The following CCDC169 variants were observed in gnomAD, a reference collection of about 807,000 sequenced individuals.
CCDC169 encodes coiled-coil domain containing 169.
CCDC169 carries 30 observed loss-of-function variants against 36.0 expected under a neutral mutation model. The observed-to-expected ratio is 0.83, with a 90% CI of 0.62 to 1.13. The LOEUF is 1.13. CCDC169 is among the 50% of genes most tolerant of loss of function. The probability of loss-of-function intolerance (pLI) is 0.00; values close to 1 mark genes in which losing one functional copy is unlikely to be tolerated. For synonymous variants in CCDC169, 85 were observed against 81.5 expected, an observed-to-expected ratio of 1.04 and a Z score of -0.23; for missense variants, 245 against 245.9, an observed-to-expected ratio of 1.00 and a Z score of 0.03.
At chr13:36,222,585 G>A (rs1000963212), downstream of CCDC169, 4 of 152,140 alleles carry the variant, frequency 2.6e-5, no homozygotes, top group African/African-American at 7.2e-5. Context: ...CTTAGAAATG[G>A]TGTTAAACTC....
At chr13:36,226,245 A>C (rs1869870595), downstream of CCDC169, 1 of 152,236 alleles carries the variant, frequency 6.6e-6, no homozygotes, top group Non-Finnish European at 1.5e-5. Context: ...AGCAGTTCCC[A>C]ACCCTTTTGA....
chr13:36,282,574 C>T, intron 4 of CCDC169: 1 of 983,944 alleles, frequency 1.0e-6, no homozygotes, highest in African/African-American at 1.7e-5. Flanking sequence ...AACTTTCATT[C>T]TCTTTCCTTT....
intron 4 of CCDC169, among the ~76,000 whole-genome samples, chr13:36,259,315 G>A (rs970309502): frequency 2.0e-5 from 3 of 152,118 alleles, no homozygotes; most frequent in African/African-American, 7.2e-5. Context: ...CCCAGGAAGC[G>A]CTTCTTGGTT....
At chr13:36,293,800 GA>G (rs1379805676) in intron 2 of CCDC169, among the ~76,000 whole-genome samples, 1 of 152,128 alleles carries the variant, frequency 6.6e-6, no homozygotes, top group Non-Finnish European at 1.5e-5. Flanking sequence ...CCCCAATCAA[GA>G]ACCATCCAGG....
chr13:36,285,798 A>G (rs1438871802), intron 2 of CCDC169, among the ~76,000 whole-genome samples: 2 of 152,138 alleles, frequency 1.3e-5, no homozygotes, highest in African/African-American at 4.8e-5. Flanking sequence ...AAAAGACCCA[A>G]GATAGACACC....
chr13:36,291,623 TA>T (rs1878910144), intron 2 of CCDC169, among the ~76,000 whole-genome samples: 1 of 152,174 alleles, frequency 6.6e-6, no homozygotes, highest in Non-Finnish European at 1.5e-5. Context: ...CTAATAGCTA[TA>T]ACTCATTTCT....
At chr13:36,262,756 G>A (rs1156562284) in intron 4 of CCDC169, among the ~76,000 whole-genome samples, 1 of 152,184 alleles carries the variant, frequency 6.6e-6, no homozygotes, top group Non-Finnish European at 1.5e-5. Context: ...TAGGTCCAGA[G>A]CTAGTGGCCT....
At chr13:36,234,444 A>G (rs930359269) in intron 7 of CCDC169, among the ~76,000 whole-genome samples, 1 of 152,182 alleles carries the variant, frequency 6.6e-6, no homozygotes, top group Non-Finnish European at 1.5e-5. Context: ...ATAATAGCTA[A>G]AAATTTCCCA....
chr13:36,289,318 G>T (rs1368115350), intron 2 of CCDC169, among the ~76,000 whole-genome samples: 1 of 151,978 alleles, frequency 6.6e-6, no homozygotes, highest in African/African-American at 2.4e-5. Flanking sequence ...TTTTCCTCTG[G>T]TTCCACTGTT....
chr13:36,259,162 T>G (rs1219018732), intron 4 of CCDC169, among the ~76,000 whole-genome samples: 1 of 152,102 alleles, frequency 6.6e-6, no homozygotes, highest in Non-Finnish European at 1.5e-5. Context: ...AGAGCCGCCA[T>G]GATAGTGAGG....
Position 36,297,622 on chromosome 13 carries a change from C to T in CCDC169, c.83+15G>A, listed in dbSNP as rs1390061661. On this transcript the variant is annotated intron_variant, in intron 1 of 7. Coordinates refer to ENST00000239859, the MANE Select transcript of CCDC169 (RefSeq NM_001144981.3). ...GTGTGGACGGGACCCCACACCGCGCCGCCCGCCGACTCACTTCTTGCGGAC... is the reference window on the plus strand; with the variant it reads ...GTGTGGACGGGACCCCACACCGCGCTGCCCGCCGACTCACTTCTTGCGGAC... 3 of 1,548,326 alleles carry T rather than the reference C, an allele frequency of 1.9e-6. No individual in the cohort carries two copies. Among genetic ancestry groups the T allele is most frequent in the African/African-American group, 2.7e-5 (2 of 73,024 alleles).
chr13:36,228,990 T>C (rs533905507), downstream of CCDC169, among the ~76,000 whole-genome samples: 3 of 152,360 alleles, frequency 2.0e-5, no homozygotes, highest in East Asian at 5.8e-4. Context: ...ACTAAAACTT[T>C]TCTTGGTTGG....
chr13:36,271,437 C>CA (rs1876044772), intron 4 of CCDC169, among the ~76,000 whole-genome samples: 1 of 152,044 alleles, frequency 6.6e-6, no homozygotes. Flanking sequence ...AGTCATTATA[C>CA]AAAAAAGACA....
chr13:36,247,114 C>T (rs970326760), intron 7 of CCDC169, among the ~76,000 whole-genome samples: 10 of 152,170 alleles, frequency 6.6e-5, no homozygotes, highest in African/African-American at 2.4e-4. Context: ...GCCCAGATGA[C>T]AGCACAAGAG....
At chr13:36,243,662 C>T (rs1872140215) in intron 7 of CCDC169, among the ~76,000 whole-genome samples, 1 of 151,998 alleles carries the variant, frequency 6.6e-6, no homozygotes, top group Non-Finnish European at 1.5e-5. Flanking sequence ...CAAAATTAGC[C>T]AAGCACAGTG....
chr13:36,249,774 G>A (rs2138456379), intron 6 of CCDC169, among the ~76,000 whole-genome samples: 1 of 152,264 alleles, frequency 6.6e-6, no homozygotes, highest in Non-Finnish European at 1.5e-5. Flanking sequence ...AGATAAGACT[G>A]GGGAAGAGGT....
At chr13:36,280,962 A>T (rs2138601270) in intron 4 of CCDC169, 1 of 172,046 alleles carries the variant, frequency 5.8e-6, no homozygotes, top group Admixed American at 6.2e-5. Context: ...GAAGGTGCCC[A>T]TATGATACAG....
At chr13:36,236,290 A>G (rs1039805214) in intron 7 of CCDC169, among the ~76,000 whole-genome samples, 37 of 152,088 alleles carry the variant, frequency 2.4e-4, no homozygotes, top group African/African-American at 6.5e-4. Flanking sequence ...TGGTATTGGC[A>G]TAAGGATAGA....
downstream of CCDC169, chr13:36,222,164 T>G (rs561411636): frequency 2.0e-5 from 3 of 152,298 alleles, no homozygotes; most frequent in South Asian, 4.1e-4. Flanking sequence ...GATATTGACA[T>G]GCACCTTAAG....
Sources: gnomAD v4.1 joint callset for allele counts (sites outside exome capture counted in the v4.1 genomes callset) on GRCh38, gnomAD v4.1.1 for gene constraint, MANE v1.5 for transcripts, NCBI Gene and HGNC (gene_info 2026-07-23, HGNC 2026-07-21) for gene names.